The following SAMMSON variants were observed in gnomAD, a reference collection of about 807,000 sequenced individuals.
The protein encoded by SAMMSON is long intergenic non-protein coding RNA 1212.
chr3:70,299,089 A>G (rs1445329209), intron 7 of SAMMSON, among the ~76,000 whole-genome samples: 3 of 152,136 alleles, frequency 2.0e-5, no homozygotes, highest in Non-Finnish European at 4.4e-5. Flanking sequence ...ATCATAATGA[A>G]TTCCTTTGAG....
chr3:70,174,567 G>GA (rs938338453), intron 4 of SAMMSON, among the ~76,000 whole-genome samples: 5 of 151,952 alleles, frequency 3.3e-5, no homozygotes, highest in African/African-American at 9.6e-5. Context: ...TTAATTATAA[G>GA]AAAAAAATAT....
chr3:70,239,987 A>T (rs981803386), intron 4 of SAMMSON, among the ~76,000 whole-genome samples: 1 of 152,090 alleles, frequency 6.6e-6, no homozygotes, highest in Non-Finnish European at 1.5e-5. Flanking sequence ...ATTGAAGAAA[A>T]TACCTAATAT....
At chr3:70,246,809 C>G (rs567459834) in intron 4 of SAMMSON, among the ~76,000 whole-genome samples, 2 of 152,042 alleles carry the variant, frequency 1.3e-5, no homozygotes, top group South Asian at 4.1e-4. Context: ...GAAAAAAACC[C>G]AATAGACCTT....
intron 9 of SAMMSON, among the ~76,000 whole-genome samples, chr3:70,365,070 C>A (rs898765701): frequency 1.3e-5 from 2 of 151,528 alleles, no homozygotes; most frequent in African/African-American, 4.8e-5. Context: ...CTATAAAGTT[C>A]TATGGGTTTT....
At chr3:70,402,771 A>G (rs1701150131) in intron 2 of SAMMSON, among the ~76,000 whole-genome samples, 1 of 152,102 alleles carries the variant, frequency 6.6e-6, no homozygotes, top group African/African-American at 2.4e-5. Context: ...CTAAGGCAGG[A>G]GTATCACTCA....
chr3:70,319,397 A>G (rs1702519361), intron 7 of SAMMSON, among the ~76,000 whole-genome samples: 2 of 152,064 alleles, frequency 1.3e-5, no homozygotes, highest in South Asian at 2.1e-4. Flanking sequence ...GCTTCTTCAT[A>G]TATTTTGTCT....
intron 3 of SAMMSON, among the ~76,000 whole-genome samples, chr3:70,026,582 C>T (rs1443771352): frequency 6.6e-6 from 1 of 152,122 alleles, no homozygotes; most frequent in East Asian, 1.9e-4. Context: ...GGATTTTTTC[C>T]TCTGTCCACA....
intron 4 of SAMMSON, among the ~76,000 whole-genome samples, chr3:70,158,632 A>G (rs931087118): frequency 1.3e-5 from 2 of 152,022 alleles, no homozygotes; most frequent in Non-Finnish European, 1.5e-5. Context: ...TCCTGCTTAC[A>G]TAGAGAAATT....
intron 4 of SAMMSON, among the ~76,000 whole-genome samples, chr3:70,247,357 G>A (rs905520575): frequency 6.6e-6 from 1 of 151,970 alleles, no homozygotes; most frequent in South Asian, 2.1e-4. Context: ...AGTTCTGAAT[G>A]GTTAATGCGG....
chr3:70,432,538 TA>T (rs1023855108), intron 2 of SAMMSON, among the ~76,000 whole-genome samples: 3 of 151,976 alleles, frequency 2.0e-5, no homozygotes, highest in African/African-American at 7.2e-5. Context: ...GAGCAGAAAG[TA>T]CAGAATGTTC....
At chr3:70,021,998 C>T (rs1034641748) in intron 3 of SAMMSON, among the ~76,000 whole-genome samples, 2 of 152,000 alleles carry the variant, frequency 1.3e-5, no homozygotes, top group Non-Finnish European at 2.9e-5. Flanking sequence ...GTTTAGGCAC[C>T]AGAATGGAGG....
At chr3:70,345,396 C>T (rs955892818) in intron 7 of SAMMSON, among the ~76,000 whole-genome samples, 1 of 152,176 alleles carries the variant, frequency 6.6e-6, no homozygotes, top group Non-Finnish European at 1.5e-5. Context: ...ACCTTTCTCT[C>T]CCAACACTTT....
chr3:70,073,048 T>C (rs934013591), intron 4 of SAMMSON, among the ~76,000 whole-genome samples: 7 of 151,974 alleles, frequency 4.6e-5, no homozygotes, highest in Non-Finnish European at 8.8e-5. Context: ...AGAATTATAT[T>C]TTACAAAGTT....
chr3:70,008,481 T>C (rs1434544796), intron 1 of SAMMSON, among the ~76,000 whole-genome samples: 7 of 152,230 alleles, frequency 4.6e-5, no homozygotes, highest in African/African-American at 1.7e-4. Flanking sequence ...TTTTTGCACA[T>C]TGATTTTGTA....
At chr3:70,039,374 C>T (rs2067097773) in intron 3 of SAMMSON, among the ~76,000 whole-genome samples, 1 of 152,034 alleles carries the variant, frequency 6.6e-6, no homozygotes, top group Non-Finnish European at 1.5e-5. Context: ...GAACTGCCCT[C>T]CATGTTGGGA....
downstream of SAMMSON, among the ~76,000 whole-genome samples, chr3:70,393,120 T>C (rs1321520616): frequency 6.6e-6 from 1 of 152,244 alleles, no homozygotes; most frequent in Non-Finnish European, 1.5e-5. Flanking sequence ...ATCATGATGC[T>C]TTCTTCAGTA....
chr3:70,009,935 G>A (rs1379343876), intron 1 of SAMMSON, among the ~76,000 whole-genome samples: 1 of 147,558 alleles, frequency 6.8e-6, no homozygotes, highest in Non-Finnish European at 1.5e-5. Context: ...CAGTTTCCAT[G>A]TAGTTGAGTG....
Position 70,126,083 on chromosome 3 carries a change from C to T in SAMMSON, n.507+54518C>T, listed in dbSNP as rs140720558. Reference sequence around the variant, plus strand: ...AGGACCTGTACATAGAACTTAGGCACGCTTGCCAAAGCATTTACTCTGTTT... The same window carrying T: ...AGGACCTGTACATAGAACTTAGGCATGCTTGCCAAAGCATTTACTCTGTTT... On this transcript the variant is annotated intron_variant and non_coding_transcript_variant, in intron 4 of 9. Coordinates refer to ENST00000642114, the Ensembl canonical transcript of SAMMSON. 7.7e-4 allele frequency: 925 copies of T among 1,208,282 alleles called. 10 individuals carry two copies. The East Asian group carries it at 0.016, about 21-fold the overall frequency. The allele number at this position is 1,208,282 out of a possible 1,614,324, so 74.8% of individuals were successfully genotyped here.
chr3:70,219,301 G>T (rs991031402), intron 4 of SAMMSON, among the ~76,000 whole-genome samples: 2 of 152,152 alleles, frequency 1.3e-5, no homozygotes, highest in Non-Finnish European at 2.9e-5. Context: ...CACTTACAGA[G>T]CTCTGCTGAA....
Sources: allele counts gnomAD v4.1 joint callset (sites outside exome capture counted in the v4.1 genomes callset), GRCh38; gene constraint gnomAD v4.1.1; transcripts MANE v1.5; gene names NCBI Gene and HGNC (gene_info 2026-07-23, HGNC 2026-07-21).